Variants in PRRX2 observed in about 807,000 individuals in gnomAD.
The protein encoded by PRRX2 is paired related homeobox 2, also known as paired mesoderm homeobox protein 2.
In PRRX2, 11 loss-of-function variants were observed where a neutral mutation model predicts 18.0. The ratio of observed to expected loss-of-function variants is 0.61; its 90% CI spans 0.39 to 1.01. The LOEUF (loss-of-function observed/expected upper bound fraction) is 1.01. PRRX2 is among the 50% of genes least tolerant of loss of function. The pLI, the probability that PRRX2 is intolerant of heterozygous loss-of-function variation, is 0.01. For missense variants in PRRX2, 387 were observed against 351.0 expected (o/e 1.10, Z -0.82); for synonymous variants, 177 against 154.8 (o/e 1.14, Z -1.06).
chr9:129,692,017 C>A (rs985020135), intron 1 of PRRX2, among the ~76,000 whole-genome samples: 1 of 149,672 alleles, frequency 6.7e-6, no homozygotes. Context: ...GATCTCGGCT[C>A]ACTGCAATCT....
At chr9:129,688,161 A>G (rs1832318036) in intron 1 of PRRX2, among the ~76,000 whole-genome samples, 1 of 152,022 alleles carries the variant, frequency 6.6e-6, no homozygotes, top group South Asian at 2.1e-4. Flanking sequence ...CTCTGGGCTC[A>G]AGCCATCCTC....
chr9:129,666,041 C>T lies in PRRX2; in HGVS notation c.174C>T (p.Arg58=), dbSNP rs998165143. 16 of 1,055,386 alleles carry T rather than the reference C, an allele frequency of 1.5e-5. No individual in the cohort carries two copies. In the African/African-American group the frequency reaches 2.6e-4, roughly 17 times the overall value. 65.4% of individuals were successfully genotyped at this position (1,055,386 alleles called of 1,614,324 possible). A position where few individuals can be genotyped will look rare whatever the true frequency, so the allele number is the denominator to read the frequency against. The change falls in exon 1 of 4, where the codon CGC becomes CGT. Residue 58 remains arginine, a synonymous_variant. Coordinates refer to ENST00000372469, the MANE Select transcript of PRRX2 (RefSeq NM_016307.4). ...EVAAAGRLAA[R]PGARAEAREG... ...CGGCGGCCGGGCGGCTGGCGGCGCG[C>T]CCCGGGGCCAGGGCCGAGGCGCGGG...
chr9:129,712,605 T>C (rs754612435), intron 1 of PRRX2, among the ~76,000 whole-genome samples: 1 of 152,126 alleles, frequency 6.6e-6, no homozygotes, highest in Non-Finnish European at 1.5e-5. Flanking sequence ...TTCACTGTAA[T>C]GTAATCGGGG....
At chr9:129,668,561 A>G (rs1832056815) in intron 1 of PRRX2, among the ~76,000 whole-genome samples, 1 of 151,902 alleles carries the variant, frequency 6.6e-6, no homozygotes, top group Admixed American at 6.6e-5. Flanking sequence ...TTGGATCACT[A>G]GAGGTCAGGA....
At chr9:129,714,910 T>C (rs1013509137) in intron 1 of PRRX2, among the ~76,000 whole-genome samples, 6 of 152,110 alleles carry the variant, frequency 3.9e-5, no homozygotes, top group African/African-American at 1.4e-4. Context: ...TCCAGAAACT[T>C]CCATCCCTGC....
At chr9:129,701,609 C>T (rs570812220) in intron 1 of PRRX2, among the ~76,000 whole-genome samples, 161 of 152,354 alleles carry the variant, frequency 1.1e-3, no homozygotes, top group Non-Finnish European at 1.8e-3. Context: ...TGCAACCATA[C>T]GCAGCATCCC....
At chr9:129,720,206 G>C (rs9802546) in intron 2 of PRRX2, among the ~76,000 whole-genome samples, 13 of 142,808 alleles carry the variant, frequency 9.1e-5, no homozygotes, top group African/African-American at 1.9e-4. Context: ...CCCCGCGAGT[G>C]CTCAGCAAGC....
At chr9:129,692,363 G>A (rs577909837) in intron 1 of PRRX2, among the ~76,000 whole-genome samples, 12 of 140,526 alleles carry the variant, frequency 8.5e-5, no homozygotes, top group African/African-American at 2.3e-4. Flanking sequence ...CCCCACCAGA[G>A]TGTTACATTC....
At chr9:129,696,027 C>T (rs1252598588) in intron 1 of PRRX2, among the ~76,000 whole-genome samples, 2 of 151,536 alleles carry the variant, frequency 1.3e-5, no homozygotes, top group Non-Finnish European at 2.9e-5. Flanking sequence ...TTGGAATTTG[C>T]AAGCACACAT....
At chr9:129,708,538 AG>A (rs748914775) in intron 1 of PRRX2, among the ~76,000 whole-genome samples, 3 of 152,158 alleles carry the variant, frequency 2.0e-5, no homozygotes, top group Non-Finnish European at 4.4e-5. Context: ...TTGAGCTGTA[AG>A]GGTTCTTTAT....
Position 129,671,843 on chromosome 9 carries a change from C to T in PRRX2, c.259+5717C>T, listed in dbSNP as rs1181766226. On this transcript the variant is annotated intron_variant, in intron 1 of 3. Coordinates refer to ENST00000372469, the MANE Select transcript of PRRX2 (RefSeq NM_016307.4). The surrounding 1 kb of genome is among the most constrained non-coding windows in gnomAD (Gnocchi z 4.0). The stretch of plus-strand genomic sequence containing the variant: ...GTTTTGGATCACAAGTCCAGGCCTC[C>T]CTCTCCTGCACAGTCCTTGGGCTGG... 6.6e-6 allele frequency among the ~76,000 whole-genome samples: 1 copy of T among 152,136 alleles called. No individual in the cohort carries two copies. The highest frequency in any genetic ancestry group is 1.5e-5 in the Non-Finnish European group (1 of 68,016).
chr9:129,703,910 G>C (rs952426776), intron 1 of PRRX2, among the ~76,000 whole-genome samples: 2 of 152,254 alleles, frequency 1.3e-5, no homozygotes, highest in African/African-American at 4.8e-5. Flanking sequence ...GGGCACGGCA[G>C]GTCCCGTCAG....
chr9:129,702,990 A>G (rs1832515652), intron 1 of PRRX2, among the ~76,000 whole-genome samples: 1 of 152,260 alleles, frequency 6.6e-6, no homozygotes, highest in Non-Finnish European at 1.5e-5. Flanking sequence ...TAAACACAGC[A>G]TGTCGTGGGG....
chr9:129,689,236 T>G (rs1011819073), intron 1 of PRRX2, among the ~76,000 whole-genome samples: 6 of 152,316 alleles, frequency 3.9e-5, no homozygotes, highest in Non-Finnish European at 8.8e-5. Context: ...CCTGCCTGCT[T>G]CGGCTGGAAT....
At chr9:129,721,163 C>T (rs558677940) in intron 3 of PRRX2, among the ~76,000 whole-genome samples, 1 of 152,280 alleles carries the variant, frequency 6.6e-6, no homozygotes, top group South Asian at 2.1e-4. Context: ...AGGCATCACC[C>T]TGAGGGAGTA....
At chr9:129,670,071 T>C (rs1294378327) in intron 1 of PRRX2, among the ~76,000 whole-genome samples, 2 of 147,080 alleles carry the variant, frequency 1.4e-5, no homozygotes, top group Admixed American at 6.9e-5. Flanking sequence ...GGATCTCGTA[T>C]GTAAGTGGAA....
chr9:129,718,768 A>T (rs908113382), intron 1 of PRRX2: 5 of 153,154 alleles, frequency 3.3e-5, no homozygotes, highest in South Asian at 2.1e-4. Context: ...ATGACATATT[A>T]ATTATTATTA....
intron 1 of PRRX2, among the ~76,000 whole-genome samples, chr9:129,688,519 C>T (rs976108141): frequency 3.2e-4 from 49 of 152,316 alleles, no homozygotes; most frequent in Middle Eastern, 3.4e-3. Context: ...CCCGCAAACA[C>T]GCAGTAGCAC....
intron 1 of PRRX2, among the ~76,000 whole-genome samples, chr9:129,694,304 C>T (rs1485404101): frequency 6.6e-6 from 1 of 152,216 alleles, no homozygotes; most frequent in Non-Finnish European, 1.5e-5. Flanking sequence ...ATTCTCTCAG[C>T]CTCCCGACTA....
Sources: allele counts gnomAD v4.1 joint callset (sites outside exome capture counted in the v4.1 genomes callset), GRCh38; gene constraint gnomAD v4.1.1; non-coding constraint Gnocchi (gnomAD v3.1); transcripts MANE v1.5; gene names NCBI Gene and HGNC (gene_info 2026-07-23, HGNC 2026-07-21).